Variants in PLEKHM3 observed in about 807,000 individuals in gnomAD.
PLEKHM3 encodes the protein pleckstrin homology domain-containing family M member 3.
In PLEKHM3, 45 loss-of-function variants were observed where a neutral mutation model predicts 81.8. The ratio of observed to expected loss-of-function variants is 0.55; its 90% CI spans 0.43 to 0.71. The LOEUF (loss-of-function observed/expected upper bound fraction) is 0.71, where lower values mean the gene tolerates loss of function less well. Among genes scored for constraint, PLEKHM3 ranks in the 30% least tolerant of loss-of-function variants. The pLI is 0.00. For synonymous variants in PLEKHM3, 352 were observed against 356.4 expected (o/e 0.99, Z 0.14); for missense variants, 788 against 924.3 (o/e 0.85, Z 1.91).
At chr2:207,911,665 T>C (rs1477262746) in intron 5 of PLEKHM3, among the ~76,000 whole-genome samples, 1 of 152,166 alleles carries the variant, frequency 6.6e-6, no homozygotes, top group African/African-American at 2.4e-5. Context: ...ATAATCTTAC[T>C]GAAAGGTAAA....
In PLEKHM3 at chr2:208,001,402, G is replaced by C; in HGVS notation, c.238C>G (p.Leu80Val). The change falls in exon 2 of 8, where the codon CTC (leucine) becomes GTC (valine). Residue 80 changes from leucine to valine, a missense_variant. By Grantham distance (32) the Leu-to-Val change is conservative. Transcript: ENST00000427836. ...ACATTTTGAGCTTTGGTTTCTAAGA[G>C]CCTGCTCTTACAGTGGTCCCAAATC... ...GMIWDHCKSR[L>V]LETKAQNVFP... The C allele has an allele frequency of 6.2e-7, 1 of 1,614,168 alleles. No homozygotes were observed. The highest frequency in any genetic ancestry group is 8.5e-7 in the Non-Finnish European group (1 of 1,180,024).
In PLEKHM3 at chr2:207,916,003, C is replaced by T. The variant is rs538573823; in HGVS notation, c.1887-7426G>A. The stretch of plus-strand genomic sequence containing the variant: ...CCTGAAATAGTTACATTAGGCTGGA[C>T]GTGGACAGGATTCGTATGTCCAGCC... On this transcript the variant is annotated intron_variant, in intron 5 of 7. Coordinates refer to ENST00000427836, the MANE Select transcript of PLEKHM3 (RefSeq NM_001080475.3). Among the ~76,000 whole-genome samples the T allele has an allele frequency of 1.6e-4, 24 of 152,204 alleles. 1 individual carries two copies. The South Asian group carries it at 3.1e-3, about 20-fold the overall frequency.
chr2:207,983,107 A>G (rs1239741680), intron 2 of PLEKHM3, among the ~76,000 whole-genome samples: 2 of 144,242 alleles, frequency 1.4e-5, no homozygotes, highest in Non-Finnish European at 3.0e-5. Flanking sequence ...GCTGGAGTGC[A>G]GTGGCATGAT....
At chr2:208,016,666 A>ATACACACACACACACACACAC (rs1468410522) in intron 1 of PLEKHM3, among the ~76,000 whole-genome samples, 19 of 34,090 alleles carry the variant, frequency 5.6e-4, no homozygotes, top group African/African-American at 8.8e-4. Flanking sequence ...AAAAAAAAAA[A>ATACACACACACACACACACAC]AAATACACAC....
At chr2:207,995,074 T>C (rs913607055) in intron 2 of PLEKHM3, among the ~76,000 whole-genome samples, 3 of 152,186 alleles carry the variant, frequency 2.0e-5, no homozygotes, top group African/African-American at 4.8e-5. Flanking sequence ...CCTTCCATGC[T>C]TACAAACCCA....
chr2:207,896,595 A>G (rs942561716), intron 6 of PLEKHM3, among the ~76,000 whole-genome samples: 2 of 152,194 alleles, frequency 1.3e-5, no homozygotes, highest in Non-Finnish European at 2.9e-5. Context: ...ACAATTCAAC[A>G]TCAGTTAATT....
intron 3 of PLEKHM3, among the ~76,000 whole-genome samples, chr2:207,964,514 A>G (rs1294128778): frequency 1.3e-5 from 2 of 152,156 alleles, no homozygotes; most frequent in East Asian, 3.8e-4. Flanking sequence ...GAGGCTGCAA[A>G]GGAGAAATGT....
chr2:207,842,299 C>T (rs2092359269), intron 7 of PLEKHM3, among the ~76,000 whole-genome samples: 1 of 152,136 alleles, frequency 6.6e-6, no homozygotes, highest in Non-Finnish European at 1.5e-5. Context: ...GTATAATAAA[C>T]ACCTCAGGTA....
chr2:207,901,279 C>T (rs1688418525), intron 6 of PLEKHM3: 1 of 702,948 alleles, frequency 1.4e-6, no homozygotes, highest in African/African-American at 1.7e-5. Flanking sequence ...ATCTGTGGAT[C>T]AGGTTAGATT....
intron 6 of PLEKHM3, chr2:207,901,360 G>A: frequency 1.4e-6 from 1 of 702,912 alleles, no homozygotes; most frequent in Admixed American, 2.0e-5. Context: ...CCAGCACCTT[G>A]CTAATCACCT....
chr2:207,948,004 G>C lies in PLEKHM3; in HGVS notation c.1547-1492C>G, dbSNP rs147679706. On this transcript the variant is annotated intron_variant, in intron 3 of 7. Coordinates refer to ENST00000427836, the MANE Select transcript of PLEKHM3 (RefSeq NM_001080475.3). ...TACATGAGAAATGGGAAGAAGATAAGTAAATATATTAGTATTAGGCTTCCA... is the reference window on the plus strand; with the variant it reads ...TACATGAGAAATGGGAAGAAGATAACTAAATATATTAGTATTAGGCTTCCA... Among the ~76,000 whole-genome samples, 85 of 152,272 alleles carry C rather than the reference G, an allele frequency of 5.6e-4. No homozygotes were observed. In the East Asian group the frequency reaches 0.016, roughly 29 times the overall value.
rs563183024 is a variant in PLEKHM3 at position 207,822,623 on chromosome 2, C to T, written c.*5696G>A. 1.3e-5 allele frequency: 2 copies of T among 152,820 alleles called. No individual in the cohort carries two copies. Among genetic ancestry groups the T allele is most frequent in the African/African-American group, 2.4e-5 (1 of 41,574 alleles). 9.5% of individuals were successfully genotyped at this position (152,820 alleles called of 1,614,324 possible). ...CCATTCTACTTTAACGACGTGTTTCCGACATGATTCCCTTTACTCCTGAGG... is the reference window on the plus strand; with the variant it reads ...CCATTCTACTTTAACGACGTGTTTCTGACATGATTCCCTTTACTCCTGAGG... On this transcript the variant is annotated 3_prime_UTR_variant, in exon 8 of 8. Coordinates refer to ENST00000427836, the MANE Select transcript of PLEKHM3 (RefSeq NM_001080475.3).
At chr2:207,970,636 C>T (rs1340509840) in intron 3 of PLEKHM3, among the ~76,000 whole-genome samples, 1 of 152,192 alleles carries the variant, frequency 6.6e-6, no homozygotes, top group Non-Finnish European at 1.5e-5. Flanking sequence ...TTGATTCCCA[C>T]TCAGACCCTG....
At chr2:207,989,107 A>G (rs1691815267) in intron 2 of PLEKHM3, among the ~76,000 whole-genome samples, 1 of 152,204 alleles carries the variant, frequency 6.6e-6, no homozygotes, top group Admixed American at 6.5e-5. Context: ...AGGAACCTTG[A>G]TATCTCTCTC....
At chr2:207,960,282 G>T (rs1690683045) in intron 3 of PLEKHM3, among the ~76,000 whole-genome samples, 1 of 152,188 alleles carries the variant, frequency 6.6e-6, no homozygotes, top group Non-Finnish European at 1.5e-5. Flanking sequence ...GCTATGATAA[G>T]AGGACATGAT....
In PLEKHM3 at chr2:207,897,875, G is replaced by A. The variant is rs776419769; in HGVS notation, c.1950+10639C>T. On this transcript the variant is annotated intron_variant, in intron 6 of 7. Transcript: ENST00000427836. ...TATGATTTATCAACCAACAGCTTAA[G>A]GGAATGTAGGGCTTCCTTGCTGCCA... is the stretch of plus-strand genomic sequence containing the variant. Among the ~76,000 whole-genome samples the A allele has an allele frequency of 2.0e-5, 3 of 152,210 alleles. No homozygotes were observed. The South Asian group carries it at 6.2e-4, about 32-fold the overall frequency.
intron 6 of PLEKHM3, among the ~76,000 whole-genome samples, chr2:207,863,088 T>G (rs147630604): frequency 6.6e-6 from 1 of 152,322 alleles, no homozygotes; most frequent in Non-Finnish European, 1.5e-5. Flanking sequence ...TCTCCTTCAA[T>G]TGAAAGTCCC....
At chr2:207,902,193 G>A (rs1688452496) in intron 6 of PLEKHM3, among the ~76,000 whole-genome samples, 1 of 152,148 alleles carries the variant, frequency 6.6e-6, no homozygotes, top group Non-Finnish European at 1.5e-5. Flanking sequence ...GTCATCACCT[G>A]TTACTTCTTT....
intron 3 of PLEKHM3, among the ~76,000 whole-genome samples, chr2:207,969,222 T>C (rs1249155769): frequency 6.6e-6 from 1 of 152,222 alleles, no homozygotes; most frequent in African/African-American, 2.4e-5. Context: ...TCTGGGCACT[T>C]AGAGACCAAC....
Sources: gnomAD v4.1 joint callset for allele counts (sites outside exome capture counted in the v4.1 genomes callset) on GRCh38, gnomAD v4.1.1 for gene constraint, MANE v1.5 for transcripts, NCBI Gene and HGNC (gene_info 2026-07-23, HGNC 2026-07-21) for gene names.